The following RALYL variants were observed in gnomAD, a reference collection of about 807,000 sequenced individuals.
The protein encoded by RALYL is RALY RNA binding protein like.
A neutral mutation model predicts 35.1 loss-of-function variants in RALYL; 29 were observed. That is an observed-to-expected ratio of 0.83 (90% CI 0.61 to 1.13). RALYL has a LOEUF of 1.13. Ranked by LOEUF, RALYL falls within the 50% of genes most tolerant of loss-of-function variation. The probability of loss-of-function intolerance (pLI) is 0.00; values close to 1 mark genes in which losing one functional copy is unlikely to be tolerated. For missense variants in RALYL, 359 were observed against 360.4 expected (o/e 1.00, Z 0.03); for synonymous variants, 120 against 127.6 (o/e 0.94, Z 0.40).
intron 1 of RALYL, among the ~76,000 whole-genome samples, chr8:84,194,798 AC>A (rs944372389): frequency 1.3e-5 from 2 of 152,152 alleles, no homozygotes; most frequent in South Asian, 2.1e-4. Flanking sequence ...AGAGTATATT[AC>A]CATAGATAAT....
chr8:84,516,916 AG>A, intron 1 of RALYL, among the ~76,000 whole-genome samples: 1 of 152,312 alleles, frequency 6.6e-6, no homozygotes, highest in Middle Eastern at 3.4e-3. Context: ...CTGTCTCATC[AG>A]CGTTGAAGTT....
chr8:84,246,050 A>C (rs1436550489), intron 1 of RALYL, among the ~76,000 whole-genome samples: 2 of 152,180 alleles, frequency 1.3e-5, no homozygotes, highest in African/African-American at 4.8e-5. Flanking sequence ...AAATGGTAGC[A>C]GTGACAGTGG....
At chr8:84,462,929 TATTCATTC>T (rs537982905) in intron 1 of RALYL, among the ~76,000 whole-genome samples, 1 of 151,896 alleles carries the variant, frequency 6.6e-6, no homozygotes, top group Non-Finnish European at 1.5e-5. Context: ...TAACCTGAGT[TATTCATTC>T]ATTCATTCAT....
intron 1 of RALYL, among the ~76,000 whole-genome samples, chr8:84,483,498 C>T (rs1181926933): frequency 6.6e-6 from 1 of 152,082 alleles, no homozygotes; most frequent in East Asian, 1.9e-4. Flanking sequence ...GAAATTTCAA[C>T]TTTGCCTTAA....
intron 2 of RALYL, among the ~76,000 whole-genome samples, chr8:84,720,802 AC>A (rs1157422822): frequency 1.5e-4 from 23 of 152,104 alleles, no homozygotes; most frequent in African/African-American, 2.9e-4. Flanking sequence ...GCAAAAAAAA[AC>A]AATGTGATTA....
At chr8:84,367,318 A>ATTTGTTTTTGTTTTTTTTTTTTT (rs756622990) in intron 1 of RALYL, among the ~76,000 whole-genome samples, 1 of 27,400 alleles carries the variant, frequency 3.6e-5, no homozygotes, top group Non-Finnish European at 9.9e-5. Context: ...TAATTTTTGT[A>ATTTGTTTTTGTTTTTTTTTTTTT]TTTTTTTTTT....
At chr8:84,415,204 CGTTTTTTTTTTT>C (rs1173909936) in intron 1 of RALYL, among the ~76,000 whole-genome samples, 2 of 129,300 alleles carry the variant, frequency 1.5e-5, no homozygotes, top group African/African-American at 6.3e-5. Flanking sequence ...TGCAGACACT[CGTTTTTTTTTTT>C]TTGTTTTTTT....
At chr8:84,728,367 G>T (rs1397394713) in intron 2 of RALYL, among the ~76,000 whole-genome samples, 1 of 152,056 alleles carries the variant, frequency 6.6e-6, no homozygotes, top group Non-Finnish European at 1.5e-5. Flanking sequence ...GTAGATTCTG[G>T]ATATTAGCCC....
intron 2 of RALYL, among the ~76,000 whole-genome samples, chr8:84,588,764 T>G (rs556315781): frequency 6.6e-6 from 1 of 152,262 alleles, no homozygotes; most frequent in East Asian, 1.9e-4. Flanking sequence ...CAGCCAGACC[T>G]CAAATGGAGG....
At chr8:84,533,606 A>G (rs2059409449) in intron 2 of RALYL, among the ~76,000 whole-genome samples, 2 of 152,220 alleles carry the variant, frequency 1.3e-5, no homozygotes, top group Admixed American at 1.3e-4. Flanking sequence ...TAATTTATCT[A>G]GAGCAATCAT....
At chr8:84,439,647 G>T (rs1238000995) in intron 1 of RALYL, among the ~76,000 whole-genome samples, 1 of 151,550 alleles carries the variant, frequency 6.6e-6, no homozygotes, top group Non-Finnish European at 1.5e-5. Context: ...ATATTTTGTT[G>T]TTTTTTTCAT....
intron 1 of RALYL, among the ~76,000 whole-genome samples, chr8:84,284,755 T>C (rs1161209001): frequency 6.6e-6 from 1 of 152,198 alleles, no homozygotes; most frequent in Non-Finnish European, 1.5e-5. Flanking sequence ...TTGGCAGTGA[T>C]ACTTCATATA....
chr8:84,196,606 T>A (rs547854912), intron 1 of RALYL, among the ~76,000 whole-genome samples: 17 of 152,190 alleles, frequency 1.1e-4, no homozygotes, highest in Non-Finnish European at 2.1e-4. Flanking sequence ...AACAGCCACA[T>A]TTCAGGAGCT....
chr8:84,685,721 T>G (rs1836623701), intron 2 of RALYL, among the ~76,000 whole-genome samples: 1 of 152,110 alleles, frequency 6.6e-6, no homozygotes, highest in East Asian at 1.9e-4. Flanking sequence ...ATTCAAAAAT[T>G]TTGTCACTGC....
intron 1 of RALYL, among the ~76,000 whole-genome samples, chr8:84,388,170 A>G (rs1586779265): frequency 6.6e-6 from 1 of 152,172 alleles, no homozygotes; most frequent in African/African-American, 2.4e-5. Flanking sequence ...AAGGACATGA[A>G]CTCATCCTTT....
chr8:84,603,447 G>GTATTAT (rs34527561), intron 2 of RALYL, among the ~76,000 whole-genome samples: 1 of 151,692 alleles, frequency 6.6e-6, no homozygotes, highest in Admixed American at 6.6e-5. Flanking sequence ...AATTGGCATT[G>GTATTAT]TATTATTATT....
rs187951934 is a variant in RALYL at position 84,207,617 on chromosome 8, G to A, written c.-24+23193G>A. Among the ~76,000 whole-genome samples the A allele has an allele frequency of 1.3e-3, 199 of 152,114 alleles. 1 individual carries two copies. Among genetic ancestry groups the A allele is most frequent in the African/African-American group, 4.0e-3 (167 of 41,510 alleles). On this transcript the variant is annotated intron_variant, in intron 1 of 8. Coordinates refer to ENST00000521268, the MANE Select transcript of RALYL (RefSeq NM_173848.7). The stretch of plus-strand genomic sequence containing the variant: ...AGGTACAGTGTTTCAGTTATGATGG[G>A]TGAATAAGTTTGGAAGATCTAATAT...
At chr8:84,691,089 T>G (rs1421556822) in intron 2 of RALYL, among the ~76,000 whole-genome samples, 2 of 152,126 alleles carry the variant, frequency 1.3e-5, no homozygotes, top group African/African-American at 4.8e-5. Context: ...GTCAAAGCAC[T>G]GTTTGAAGAA....
chr8:84,388,152 T>C (rs1218836547), intron 1 of RALYL, among the ~76,000 whole-genome samples: 1 of 152,128 alleles, frequency 6.6e-6, no homozygotes, highest in African/African-American at 2.4e-5. Flanking sequence ...TTCATCCATG[T>C]CCCTACAAAG....
Sources: allele counts gnomAD v4.1 joint callset (sites outside exome capture counted in the v4.1 genomes callset), GRCh38; gene constraint gnomAD v4.1.1; transcripts MANE v1.5; gene names NCBI Gene and HGNC (gene_info 2026-07-23, HGNC 2026-07-21).